The following DPP6 variants were observed in gnomAD, a reference collection of about 807,000 sequenced individuals.
The protein encoded by DPP6 is A-type potassium channel modulatory protein DPP6.
A neutral mutation model predicts 122.6 loss-of-function variants in DPP6; 69 were observed. The ratio of observed to expected loss-of-function variants is 0.56; its 90% confidence interval spans 0.46 to 0.69. DPP6 has a LOEUF of 0.69. Among genes scored for constraint, DPP6 ranks in the 30% least tolerant of loss-of-function variants. DPP6 has a pLI of 0.00. For missense variants in DPP6, 928 were observed against 1,116.9 expected, an observed-to-expected ratio of 0.83 and a Z score of 2.41; for synonymous variants, 418 against 433.1, an observed-to-expected ratio of 0.97 and a Z score of 0.43.
At position 154,181,938 on chromosome 7, in the gene DPP6, G is replaced by A. The variant is rs115853889; in HGVS notation, c.243+128875G>A. On this transcript the variant is annotated intron_variant, in intron 1 of 25. Transcript: ENST00000377770. ...TAATTTTTTTATTTTTAGTAGAGAC[G>A]GGGTTTGGTTTCACCATGTTGATCA... Among the ~76,000 whole-genome samples, 186 of 151,996 alleles carry A rather than the reference G, an allele frequency of 1.2e-3. 2 individuals carry two copies. The highest frequency in any genetic ancestry group is 4.3e-3 in the African/African-American group (177 of 41,446).
intron 6 of DPP6, among the ~76,000 whole-genome samples, chr7:154,666,575 T>TA (rs1838181812): frequency 1.3e-5 from 2 of 152,132 alleles, no homozygotes; most frequent in South Asian, 4.1e-4. Context: ...ATAATCACCA[T>TA]ACTCTGCAAC....
intron 1 of DPP6, among the ~76,000 whole-genome samples, chr7:154,037,006 A>G (rs191939126): frequency 9.0e-4 from 137 of 152,306 alleles, no homozygotes; most frequent in African/African-American, 3.0e-3. Flanking sequence ...TGTGAATAAT[A>G]TTCACAACTA....
intron 1 of DPP6, among the ~76,000 whole-genome samples, chr7:154,361,603 CAAAAAA>C (rs34342809): frequency 1.7e-5 from 1 of 57,974 alleles, no homozygotes; most frequent in Non-Finnish European, 4.1e-5. Context: ...AATTGCTAGC[CAAAAAA>C]AAAAAAAAAA....
chr7:153,984,283 T>C (rs533185051), intron 1 of DPP6, among the ~76,000 whole-genome samples: 126 of 152,354 alleles, frequency 8.3e-4, no homozygotes, highest in African/African-American at 3.0e-3. Context: ...TCAGAAATTA[T>C]GCAGTAATTT....
intron 1 of DPP6, among the ~76,000 whole-genome samples, chr7:153,965,168 T>C (rs946518399): frequency 1.3e-5 from 2 of 151,916 alleles, no homozygotes; most frequent in Admixed American, 6.6e-5. Context: ...GTGGCTCTTA[T>C]CCAGTGTATC....
chr7:154,093,635 T>TACACACACACACACACACACCAA, intron 1 of DPP6: 1 of 145,356 alleles, frequency 6.9e-6, no homozygotes, highest in Admixed American at 6.8e-5. Flanking sequence ...ACACACACCA[T>TACACACACACACACACACACCAA]ACACACACAC....
At chr7:154,054,032 G>A (rs1396940242) in intron 1 of DPP6, among the ~76,000 whole-genome samples, 1 of 147,706 alleles carries the variant, frequency 6.8e-6, no homozygotes, top group Admixed American at 6.8e-5. Context: ...TCCCCGACAG[G>A]CTCTCAGAGA....
chr7:154,867,911 T>TA, intron 17 of DPP6, 84 bp from the exon 18 acceptor site: 1 of 1,458,420 alleles, frequency 6.9e-7, no homozygotes, highest in Non-Finnish European at 9.1e-7. Flanking sequence ...AAGCAGCAGT[T>TA]ACGCACATGA....
intron 17 of DPP6, among the ~76,000 whole-genome samples, chr7:154,866,983 CTT>C (rs11409452): frequency 2.8e-5 from 4 of 140,438 alleles, no homozygotes; most frequent in Non-Finnish European, 3.1e-5. Flanking sequence ...TGCAGAGCAG[CTT>C]TTTTTTTTTT....
chr7:154,098,995 A>G (rs1805538508), intron 1 of DPP6, among the ~76,000 whole-genome samples: 1 of 152,234 alleles, frequency 6.6e-6, no homozygotes, highest in South Asian at 2.1e-4. Context: ...TGTTTTGCAA[A>G]CAATCACATC....
chr7:154,424,168 T>C (rs1817705927), intron 1 of DPP6, among the ~76,000 whole-genome samples: 2 of 152,220 alleles, frequency 1.3e-5, no homozygotes. Flanking sequence ...ACTGTTTATC[T>C]CAACTCACAT....
chr7:154,008,867 G>A (rs1249272617), intron 1 of DPP6, among the ~76,000 whole-genome samples: 5 of 150,160 alleles, frequency 3.3e-5, no homozygotes, highest in South Asian at 2.1e-4. Context: ...GGGTTTCACC[G>A]TGTTAGCCAG....
chr7:154,129,557 G>A (rs944423511), intron 1 of DPP6, among the ~76,000 whole-genome samples: 19 of 151,934 alleles, frequency 1.3e-4, no homozygotes, highest in Admixed American at 2.0e-4. Context: ...CAGCCCAGGC[G>A]TTTGAGACCA....
At chr7:153,861,383 T>C in the DPP6 span, among the ~76,000 whole-genome samples, 6 of 152,232 alleles carry the variant, frequency 3.9e-5, no homozygotes, top group Non-Finnish European at 5.9e-5. Flanking sequence ...TATAAATGAA[T>C]GGCAATTCTT....
chr7:153,930,423 T>G (rs1486936868), intron 1 of DPP6, among the ~76,000 whole-genome samples: 2 of 152,236 alleles, frequency 1.3e-5, no homozygotes, highest in Non-Finnish European at 2.9e-5. Context: ...TCTGATGTTC[T>G]CAGCAGGATA....
chr7:154,827,679 G>T, intron 16 of DPP6, among the ~76,000 whole-genome samples: 1 of 122,532 alleles, frequency 8.2e-6, no homozygotes, highest in African/African-American at 3.0e-5. Flanking sequence ...TGGTGTCGCA[G>T]CCCAAGCAGA....
chr7:154,181,455 T>C (rs1015400523), intron 1 of DPP6, among the ~76,000 whole-genome samples: 5 of 152,114 alleles, frequency 3.3e-5, no homozygotes, highest in Non-Finnish European at 7.4e-5. Context: ...CCCTCTCCAA[T>C]GTGAATGCCT....
intron 1 of DPP6, among the ~76,000 whole-genome samples, chr7:154,301,369 T>G (rs1805887598): frequency 6.6e-6 from 1 of 152,182 alleles, no homozygotes; most frequent in Admixed American, 6.5e-5. Flanking sequence ...CTCTTGCCCC[T>G]GCTAGATTCA....
chr7:154,326,824 T>C (rs1003024090), intron 1 of DPP6, among the ~76,000 whole-genome samples: 37 of 152,232 alleles, frequency 2.4e-4, no homozygotes, highest in African/African-American at 8.4e-4. Flanking sequence ...CCTCGGGGCC[T>C]GGAAGGAATT....
Sources: allele counts gnomAD v4.1 joint callset (sites outside exome capture counted in the v4.1 genomes callset), GRCh38; gene constraint gnomAD v4.1.1; transcripts MANE v1.5; gene names NCBI Gene and HGNC (gene_info 2026-07-23, HGNC 2026-07-21).